Variants in GPHN observed in about 807,000 individuals in gnomAD.
GPHN encodes the protein gephyrin.
In GPHN, 17 loss-of-function variants were observed where a neutral mutation model predicts 95.5. That is an observed-to-expected ratio of 0.18 (90% CI 0.12 to 0.27). GPHN has a LOEUF of 0.27. GPHN is among the 10% of genes least tolerant of loss of function. The pLI, the probability that GPHN is intolerant of heterozygous loss-of-function variation, is 1.00. For synonymous variants in GPHN, 320 were observed against 322.5 expected (o/e 0.99, Z 0.08); for missense variants, 660 against 978.1 (o/e 0.67, Z 4.34).
At chr14:67,534,164 A>G in the GPHN span, among the ~76,000 whole-genome samples, 10 of 152,342 alleles carry the variant, frequency 6.6e-5, no homozygotes, top group South Asian at 6.2e-4. Flanking sequence ...ACTGTCTTCT[A>G]TGTGACAGAC....
At chr14:66,602,857 C>A (rs8008550) in intron 1 of GPHN, among the ~76,000 whole-genome samples, 49,730 of 151,656 alleles carry the variant, frequency 0.33, 12,000 homozygotes, top group African/African-American at 0.66. Flanking sequence ...ATAAAAAGTC[C>A]TCTCTGTGCC....
chr14:67,560,225 C>T, the GPHN span, among the ~76,000 whole-genome samples: 1 of 152,074 alleles, frequency 6.6e-6, no homozygotes, highest in Non-Finnish European at 1.5e-5. Flanking sequence ...ACAGGTTTCA[C>T]CATGTTGGCC....
At chr14:66,553,401 C>T (rs190585836) in intron 1 of GPHN, among the ~76,000 whole-genome samples, 31 of 152,238 alleles carry the variant, frequency 2.0e-4, no homozygotes, top group Non-Finnish European at 3.8e-4. Context: ...ATCACAGTTA[C>T]ATATATTTCA....
chr14:67,408,426 T>C, the GPHN span, among the ~76,000 whole-genome samples: 1 of 152,254 alleles, frequency 6.6e-6, no homozygotes, highest in East Asian at 1.9e-4. Context: ...AAAGATACAC[T>C]GAAGTCCTAA....
chr14:67,549,396 G>A, the GPHN span, among the ~76,000 whole-genome samples: 2 of 151,600 alleles, frequency 1.3e-5, no homozygotes, highest in South Asian at 2.1e-4. Context: ...TCAGCCTCCC[G>A]AGTAGCTGGG....
intron 8 of GPHN, among the ~76,000 whole-genome samples, chr14:66,946,581 T>G (rs2067768230): frequency 6.6e-6 from 1 of 152,108 alleles, no homozygotes; most frequent in Non-Finnish European, 1.5e-5. Flanking sequence ...GATTTTTGTA[T>G]TATTAGTAGA....
chr14:66,755,371 C>A (rs2058521621), intron 2 of GPHN, among the ~76,000 whole-genome samples: 1 of 152,036 alleles, frequency 6.6e-6, no homozygotes, highest in South Asian at 2.1e-4. Context: ...ACAAATGTGG[C>A]TCTGGGAAAT....
At chr14:66,813,695 C>T (rs953343274) in intron 3 of GPHN, among the ~76,000 whole-genome samples, 4 of 152,162 alleles carry the variant, frequency 2.6e-5, no homozygotes, top group African/African-American at 9.7e-5. Flanking sequence ...GACAGCCATC[C>T]CCCTAGACTT....
At chr14:67,164,083 A>C (rs575697011) in intron 19 of GPHN, among the ~76,000 whole-genome samples, 6 of 152,046 alleles carry the variant, frequency 3.9e-5, no homozygotes, top group African/African-American at 1.4e-4. Flanking sequence ...AGCCTGACCA[A>C]CATGGAGAAA....
At chr14:66,535,090 C>A (rs2059093426) in intron 1 of GPHN, among the ~76,000 whole-genome samples, 1 of 151,984 alleles carries the variant, frequency 6.6e-6, no homozygotes, top group Admixed American at 6.6e-5. Context: ...CCAAAGTTTT[C>A]TTTTTGAAAT....
the GPHN span, among the ~76,000 whole-genome samples, chr14:67,382,188 ATTCT>A: frequency 2.6e-5 from 4 of 151,972 alleles, no homozygotes; most frequent in Non-Finnish European, 4.4e-5. Flanking sequence ...GGAAATGATA[ATTCT>A]TTCTATTCAG....
chr14:67,566,626 T>C, the GPHN span, among the ~76,000 whole-genome samples: 1 of 152,006 alleles, frequency 6.6e-6, no homozygotes, highest in Non-Finnish European at 1.5e-5. Context: ...CACATGCCGG[T>C]AGTCCCAGCT....
At chr14:66,565,093 G>A (rs1489935508) in intron 1 of GPHN, among the ~76,000 whole-genome samples, 30 of 152,134 alleles carry the variant, frequency 2.0e-4, no homozygotes, top group Admixed American at 2.0e-3. Flanking sequence ...GTTGCTTAGA[G>A]GACATGGGCC....
At chr14:66,713,338 C>G (rs1403712811) in intron 2 of GPHN, among the ~76,000 whole-genome samples, 4 of 152,172 alleles carry the variant, frequency 2.6e-5, no homozygotes. Flanking sequence ...GATCCAGTTT[C>G]ATTCTCTTAC....
chr14:66,897,038 CA>C (rs35388755), intron 5 of GPHN, among the ~76,000 whole-genome samples: 2 of 151,804 alleles, frequency 1.3e-5, no homozygotes, highest in Admixed American at 6.6e-5. Context: ...AGTAAATTTT[CA>C]AAAAAATTTT....
intron 2 of GPHN, among the ~76,000 whole-genome samples, chr14:66,761,876 G>T (rs1170043697): frequency 6.6e-6 from 1 of 151,950 alleles, no homozygotes; most frequent in Non-Finnish European, 1.5e-5. Context: ...TAGCCAGGAT[G>T]GTCTTGATCT....
chr14:67,718,194 C>T, the GPHN span, among the ~76,000 whole-genome samples: 1 of 152,098 alleles, frequency 6.6e-6, no homozygotes, highest in Non-Finnish European at 1.5e-5. Flanking sequence ...GCTGTACGGG[C>T]TCCTTAGGGA....
intron 17 of GPHN, among the ~76,000 whole-genome samples, chr14:67,130,255 C>G (rs773165492): frequency 1.3e-5 from 2 of 152,070 alleles, no homozygotes; most frequent in Non-Finnish European, 2.9e-5. Flanking sequence ...GTTTTAGGCC[C>G]CTTACCCCTC....
chr14:67,724,733 A>G, the GPHN span: 1 of 723,512 alleles, frequency 1.4e-6, no homozygotes, highest in South Asian at 1.5e-5. Context: ...TTCAAGTCCA[A>G]CTGTGACACC....
Sources: gnomAD v4.1 joint callset for allele counts (sites outside exome capture counted in the v4.1 genomes callset) on GRCh38, gnomAD v4.1.1 for gene constraint, MANE v1.5 for transcripts, NCBI Gene and HGNC (gene_info 2026-07-23, HGNC 2026-07-21) for gene names.